The following ZNF254 variants were observed in gnomAD, a reference collection of about 807,000 sequenced individuals.
The protein encoded by ZNF254 is CTD-2017D11.1.
In ZNF254, 10 loss-of-function variants were observed where a neutral mutation model predicts 12.4. The observed-to-expected ratio is 0.80, with a 90% confidence interval of 0.50 to 1.36. The LOEUF (loss-of-function observed/expected upper bound fraction) is 1.36. Ranked by LOEUF, ZNF254 falls within the 40% of genes most tolerant of loss-of-function variation. The probability of loss-of-function intolerance (pLI) is 0.00; values close to 1 mark genes in which losing one functional copy is unlikely to be tolerated. For missense variants in ZNF254, 996 were observed against 763.9 expected (o/e 1.30, Z -3.58); for synonymous variants, 305 against 253.4 (o/e 1.20, Z -1.93).
intron 2 of ZNF254, among the ~76,000 whole-genome samples, chr19:24,058,184 C>G (rs1970933004): frequency 6.6e-6 from 1 of 152,144 alleles, no homozygotes; most frequent in Admixed American, 6.5e-5. Flanking sequence ...CTCATTTGGA[C>G]CTTCCTGCAC....
intron 1 of ZNF254, among the ~76,000 whole-genome samples, chr19:24,042,400 C>A (rs762788869): frequency 5.9e-5 from 9 of 152,172 alleles, no homozygotes; most frequent in Non-Finnish European, 2.9e-5. Context: ...CCGCTCAGGT[C>A]CCCTTCCACA....
chr19:24,097,975 C>G (rs1972773106), intron 1 of ZNF254, among the ~76,000 whole-genome samples: 1 of 151,954 alleles, frequency 6.6e-6, no homozygotes, highest in African/African-American at 2.4e-5. Context: ...AACACATTCA[C>G]TAGTATTTTC....
chr19:24,077,651 A>C (rs1441985724), intron 2 of ZNF254, among the ~76,000 whole-genome samples: 1 of 152,188 alleles, frequency 6.6e-6, no homozygotes, highest in East Asian at 1.9e-4. Flanking sequence ...GGGAATAAAC[A>C]GCTCCTGAAT....
Position 24,034,877 on chromosome 19 carries a change from G to A in ZNF254, c.-190+1256G>A, listed in dbSNP as rs371119306. The stretch of plus-strand genomic sequence containing the variant: ...TGGCTCACTGCAGCCTCCGCCTCCC[G>A]GGTTCAAGCGATTCTCTTGCCTCAG... On this transcript the variant is annotated intron_variant, in intron 1 of 4. Coordinates refer to the ZNF254 transcript ENST00000613065. 2.6e-3 allele frequency among the ~76,000 whole-genome samples: 390 copies of A among 148,516 alleles called. 1 individual carries two copies. Among genetic ancestry groups the A allele is most frequent in the African/African-American group, 8.9e-3 (359 of 40,244 alleles).
chr19:24,086,983 C>T (rs1025618625), upstream of ZNF254, among the ~76,000 whole-genome samples: 3 of 152,152 alleles, frequency 2.0e-5, no homozygotes, highest in Admixed American at 6.5e-5. Context: ...GGGCCTGGCT[C>T]AGCTCAGGGA....
chr19:24,079,852 C>T (rs909063381), intron 2 of ZNF254: 1 of 152,062 alleles, frequency 6.6e-6, no homozygotes, highest in Non-Finnish European at 1.5e-5. Flanking sequence ...CATATGGTCA[C>T]TTGTTTGTTG....
chr19:24,128,214 G>A lies in ZNF254; in HGVS notation c.*234G>A. The A allele has an allele frequency of 2.3e-6, 1 of 443,900 alleles. No homozygotes were observed. The highest frequency in any genetic ancestry group is 3.5e-5 in the East Asian group (1 of 28,294). 27.5% of individuals were successfully genotyped at this position (443,900 alleles called of 1,614,324 possible). ...ATTCATACTGGAGAAAACTACCAGT[G>A]TGAACAACGTGGCCAAGCTTCGACA... On this transcript the variant is annotated 3_prime_UTR_variant, in exon 4 of 4. Transcript: ENST00000357002.
chr19:24,117,098 G>C (rs1169704417), intron 3 of ZNF254, among the ~76,000 whole-genome samples: 1 of 152,168 alleles, frequency 6.6e-6, no homozygotes, highest in South Asian at 2.1e-4. Context: ...GTGTCAGTCT[G>C]CCCCTAGTGG....
intron 1 of ZNF254, among the ~76,000 whole-genome samples, chr19:24,089,108 C>T (rs1658189479): frequency 6.6e-6 from 1 of 150,458 alleles, no homozygotes; most frequent in Non-Finnish European, 1.5e-5. Flanking sequence ...TCCCTAGTAA[C>T]TGGGATTATA....
chr19:24,108,822 G>T (rs1404391967), intron 3 of ZNF254, among the ~76,000 whole-genome samples: 1 of 152,160 alleles, frequency 6.6e-6, no homozygotes, highest in Admixed American at 6.5e-5. Flanking sequence ...TACATGTCGT[G>T]CCTGAATTAA....
chr19:24,129,938 C>T lies in ZNF254; in HGVS notation c.*1958C>T, dbSNP rs746912271. ...TTTACATAAAATTAAATATATACTT[C>T]TATTAAAGATAAACCTTAGGTGTAA... On this transcript the variant is annotated 3_prime_UTR_variant, in exon 4 of 4. Transcript: ENST00000357002. 2 of 151,916 alleles carry T rather than the reference C, an allele frequency of 1.3e-5. No individual in the cohort carries two copies. The highest frequency in any genetic ancestry group is 1.5e-5 in the Non-Finnish European group (1 of 67,996). The allele number at this position is 151,916 out of a possible 1,614,324, so 9.4% of individuals were successfully genotyped here.
Position 24,126,502 on chromosome 19 carries a change from A to T in ZNF254, c.502A>T (p.Asn168Tyr), listed in dbSNP as rs1009984316. The T allele has an allele frequency of 5.1e-5, 81 of 1,588,282 alleles. No homozygotes were observed. Among genetic ancestry groups the T allele is most frequent in the Non-Finnish European group, 6.7e-5 (79 of 1,172,382 alleles). Reference protein sequence around the residue: ...KYLKVFYKFLNSNRPKIRHTE... With the variant: ...KYLKVFYKFLYSNRPKIRHTE... ...TTTGAAAGTCTTCTATAAATTTTTA[A>T]ATTCAAACAGACCTAAGATAAGACA... Residue 168 changes from asparagine (N) to tyrosine (Y), a missense_variant, in exon 4 of 4, where the codon AAT becomes TAT. Coordinates refer to ENST00000357002, the MANE Select transcript of ZNF254 (RefSeq NM_203282.4).
intron 1 of ZNF254, among the ~76,000 whole-genome samples, chr19:24,037,618 A>AT (rs1354803972): frequency 1.4e-5 from 2 of 146,648 alleles, no homozygotes; most frequent in South Asian, 2.2e-4. Context: ...TTTATTTTTT[A>AT]TTTTTTTTGA....
intron 3 of ZNF254, among the ~76,000 whole-genome samples, chr19:24,122,466 C>T (rs918510479): frequency 6.6e-6 from 1 of 152,072 alleles, no homozygotes; most frequent in Non-Finnish European, 1.5e-5. Context: ...CTTAGGTGAT[C>T]CACCCGCTTG....
chr19:24,111,639 G>A (rs1423527883), intron 3 of ZNF254, among the ~76,000 whole-genome samples: 7 of 152,138 alleles, frequency 4.6e-5, no homozygotes, highest in African/African-American at 1.2e-4. Context: ...TTTAATGATC[G>A]CCATTCTAAC....
intron 1 of ZNF254, among the ~76,000 whole-genome samples, chr19:24,090,215 G>A (rs945750732): frequency 6.6e-6 from 1 of 151,482 alleles, no homozygotes; most frequent in African/African-American, 2.4e-5. Context: ...AAAACAAACC[G>A]CAAAAAACTG....
intron 3 of ZNF254, among the ~76,000 whole-genome samples, chr19:24,118,046 T>C (rs1437484345): frequency 6.6e-6 from 1 of 151,750 alleles, no homozygotes; most frequent in Non-Finnish European, 1.5e-5. Context: ...TGGGTTTCTT[T>C]TTTTTCTTTT....
chr19:24,102,524 G>A (rs1973097924), intron 1 of ZNF254, among the ~76,000 whole-genome samples: 1 of 151,714 alleles, frequency 6.6e-6, no homozygotes, highest in South Asian at 2.1e-4. Context: ...CTTTTTGAAG[G>A]CCTTATTTAA....
intron 2 of ZNF254, among the ~76,000 whole-genome samples, chr19:24,051,024 C>G (rs999411220): frequency 2.9e-4 from 44 of 152,028 alleles, no homozygotes; most frequent in African/African-American, 8.9e-4. Flanking sequence ...TCTTCTTATG[C>G]CAGGGCCCTG....
Sources: allele counts gnomAD v4.1 joint callset (sites outside exome capture counted in the v4.1 genomes callset), GRCh38; gene constraint gnomAD v4.1.1; transcripts MANE v1.5; gene names NCBI Gene and HGNC (gene_info 2026-07-23, HGNC 2026-07-21).